Variants in CNTNAP2 observed in about 807,000 individuals in gnomAD.
The protein encoded by CNTNAP2 is contactin associated protein 2, also known as contactin-associated protein-like 2.
In CNTNAP2, 98 loss-of-function variants were observed where a neutral mutation model predicts 155.2. That is an observed-to-expected ratio of 0.63 (90% CI 0.54 to 0.75). The LOEUF (loss-of-function observed/expected upper bound fraction) is 0.75. CNTNAP2 is among the 30% of genes least tolerant of loss of function. The pLI is 0.00. For synonymous variants in CNTNAP2, 651 were observed against 631.2 expected, an observed-to-expected ratio of 1.03 and a Z score of -0.47; for missense variants, 1,727 against 1,688.1, an observed-to-expected ratio of 1.02 and a Z score of -0.40.
intron 1 of CNTNAP2, among the ~76,000 whole-genome samples, chr7:146,194,038 T>C (rs1268052600): frequency 6.6e-6 from 1 of 152,206 alleles, no homozygotes; most frequent in Non-Finnish European, 1.5e-5. Context: ...CAACCTGGAC[T>C]TCATTGTCCA....
At chr7:147,204,684 T>C (rs1041390891) in intron 8 of CNTNAP2, among the ~76,000 whole-genome samples, 7 of 152,152 alleles carry the variant, frequency 4.6e-5, no homozygotes, top group Non-Finnish European at 1.0e-4. Flanking sequence ...TGTATCAATA[T>C]TGCTTCATTA....
chr7:147,056,670 A>G (rs146788397), intron 4 of CNTNAP2, among the ~76,000 whole-genome samples: 27 of 152,318 alleles, frequency 1.8e-4, no homozygotes, highest in African/African-American at 6.3e-4. Context: ...AATTTTTGCA[A>G]CAAAACCTAC....
intron 1 of CNTNAP2, among the ~76,000 whole-genome samples, chr7:146,336,103 G>T (rs1801269661): frequency 6.6e-6 from 1 of 151,770 alleles, no homozygotes. Flanking sequence ...GGAGGATGAG[G>T]CAGGAGAATT....
intron 13 of CNTNAP2, among the ~76,000 whole-genome samples, chr7:147,821,164 AT>A (rs570856981): frequency 6.6e-6 from 1 of 152,122 alleles, no homozygotes; most frequent in Non-Finnish European, 1.5e-5. Context: ...AGGAATAGGA[AT>A]TTTTATTATA....
At chr7:148,248,949 A>G (rs1796320730) in intron 20 of CNTNAP2, among the ~76,000 whole-genome samples, 1 of 152,046 alleles carries the variant, frequency 6.6e-6, no homozygotes, top group Non-Finnish European at 1.5e-5. Flanking sequence ...TTTAATTTTC[A>G]TTTCCCTGAT....
chr7:146,662,007 GT>G (rs1448591187), intron 1 of CNTNAP2, among the ~76,000 whole-genome samples: 1 of 151,960 alleles, frequency 6.6e-6, no homozygotes, highest in African/African-American at 2.4e-5. Context: ...TAGGTGTAGT[GT>G]TTTTTTAATG....
chr7:147,820,150 A>T, intron 13 of CNTNAP2, among the ~76,000 whole-genome samples: 1 of 152,082 alleles, frequency 6.6e-6, no homozygotes, highest in East Asian at 1.9e-4. Context: ...TTCCCTTACC[A>T]ACATTTGGTG....
At chr7:147,465,987 C>T (rs1471949299) in intron 10 of CNTNAP2, among the ~76,000 whole-genome samples, 4 of 152,256 alleles carry the variant, frequency 2.6e-5, no homozygotes, top group Non-Finnish European at 4.4e-5. Flanking sequence ...CTATAGGAGC[C>T]AAGGGCCCTC....
chr7:146,548,444 A>T lies in CNTNAP2; in HGVS notation c.98-225827A>T, dbSNP rs187747421. Reference sequence around the variant, plus strand: ...AAAGAATATACACTTTTGACTCAACAATCCCATTACTGGGTATATACCCAA... The same window carrying T: ...AAAGAATATACACTTTTGACTCAACTATCCCATTACTGGGTATATACCCAA... On this transcript the variant is annotated intron_variant, in intron 1 of 23. Transcript: ENST00000361727. Among the ~76,000 whole-genome samples the T allele has an allele frequency of 3.2e-3, 484 of 152,124 alleles. 1 individual carries two copies. The highest frequency in any genetic ancestry group is 0.02 in the Middle Eastern group (6 of 294).
intron 13 of CNTNAP2, among the ~76,000 whole-genome samples, chr7:147,889,280 G>A (rs1156780408): frequency 6.6e-6 from 1 of 151,918 alleles, no homozygotes; most frequent in Non-Finnish European, 1.5e-5. Context: ...ACAAATATTT[G>A]GAAATAAGTC....
At chr7:147,234,807 T>A (rs1803763855) in intron 8 of CNTNAP2, among the ~76,000 whole-genome samples, 1 of 152,110 alleles carries the variant, frequency 6.6e-6, no homozygotes, top group Non-Finnish European at 1.5e-5. Flanking sequence ...TTCATTTGGG[T>A]TTCTCTCATG....
At chr7:147,202,980 C>T (rs527578952) in intron 8 of CNTNAP2, among the ~76,000 whole-genome samples, 2 of 151,164 alleles carry the variant, frequency 1.3e-5, no homozygotes, top group South Asian at 4.2e-4. Flanking sequence ...CTGATTCTTA[C>T]ACATGATAAA....
chr7:146,567,871 C>T (rs1202931823), intron 1 of CNTNAP2, among the ~76,000 whole-genome samples: 4 of 152,166 alleles, frequency 2.6e-5, no homozygotes. Context: ...CAGGCGCCCG[C>T]CACCACGCCT....
chr7:146,228,384 T>C (rs912576480), intron 1 of CNTNAP2, among the ~76,000 whole-genome samples: 1 of 152,180 alleles, frequency 6.6e-6, no homozygotes, highest in Non-Finnish European at 1.5e-5. Context: ...TGGACCTCAG[T>C]CTTCTCATAT....
intron 1 of CNTNAP2, among the ~76,000 whole-genome samples, chr7:146,734,463 CA>C (rs1193088006): frequency 1.3e-5 from 2 of 151,986 alleles, no homozygotes; most frequent in African/African-American, 4.8e-5. Flanking sequence ...CAACCTAGTT[CA>C]AAATCTATAA....
At chr7:147,020,647 A>C (rs2129246401) in intron 3 of CNTNAP2, among the ~76,000 whole-genome samples, 1 of 152,348 alleles carries the variant, frequency 6.6e-6, no homozygotes. Context: ...TAGACCAATG[A>C]AATAACACAG....
intron 13 of CNTNAP2, among the ~76,000 whole-genome samples, chr7:147,860,603 A>AG (rs71183030): frequency 0.029 from 4,432 of 151,126 alleles, 243 homozygotes; most frequent in African/African-American, 0.1. Flanking sequence ...AAAAAAAAAA[A>AG]GTGTTTGGCA....
intron 12 of CNTNAP2, among the ~76,000 whole-genome samples, chr7:147,638,217 A>C (rs979204723): frequency 6.6e-6 from 1 of 151,930 alleles, no homozygotes; most frequent in African/African-American, 2.4e-5. Context: ...TTCTACTGGG[A>C]TATGTTCCTG....
chr7:147,765,729 G>A (rs893019195), intron 13 of CNTNAP2, among the ~76,000 whole-genome samples: 2 of 152,072 alleles, frequency 1.3e-5, no homozygotes, highest in African/African-American at 2.4e-5. Flanking sequence ...TTATTTTCAG[G>A]TGTTTACCCA....
Sources: allele counts gnomAD v4.1 joint callset (sites outside exome capture counted in the v4.1 genomes callset), GRCh38; gene constraint gnomAD v4.1.1; transcripts MANE v1.5; gene names NCBI Gene and HGNC (gene_info 2026-07-23, HGNC 2026-07-21).